Variants in ITPR1 observed in about 807,000 individuals in gnomAD.
ITPR1 encodes inositol 1,4,5-trisphosphate-gated calcium channel ITPR1.
ITPR1 carries 96 observed loss-of-function variants against 318.4 expected under a neutral mutation model. The ratio of observed to expected loss-of-function variants is 0.30; its 90% CI spans 0.26 to 0.36. The LOEUF (loss-of-function observed/expected upper bound fraction) is 0.36, where lower values mean the gene tolerates loss of function less well. Among genes scored for constraint, ITPR1 ranks in the 10% least tolerant of loss-of-function variants. ITPR1 has a pLI of 1.00. For synonymous variants in ITPR1, 1,312 were observed against 1,289.9 expected (o/e 1.02, Z -0.37); for missense variants, 2,440 against 3,460.2 (o/e 0.71, Z 7.40).
chr3:4,593,677 A>T (rs1302849863), intron 4 of ITPR1, among the ~76,000 whole-genome samples: 2 of 152,252 alleles, frequency 1.3e-5, no homozygotes, highest in Non-Finnish European at 2.9e-5. Flanking sequence ...ATAAAAGATA[A>T]AAGGCAACCG....
intron 44 of ITPR1, among the ~76,000 whole-genome samples, chr3:4,746,662 A>G (rs1229580100): frequency 6.6e-6 from 1 of 152,232 alleles, no homozygotes; most frequent in African/African-American, 2.4e-5. Context: ...CCCCTCGAGG[A>G]GCCTCCACAC....
At chr3:4,546,947 G>A (rs771101547) in intron 4 of ITPR1, among the ~76,000 whole-genome samples, 4 of 152,092 alleles carry the variant, frequency 2.6e-5, no homozygotes, top group Non-Finnish European at 5.9e-5. Flanking sequence ...TTAGGAGCTG[G>A]AGGACTTGAG....
chr3:4,514,443 C>A (rs1369541029), intron 2 of ITPR1, among the ~76,000 whole-genome samples: 2 of 152,148 alleles, frequency 1.3e-5, no homozygotes, highest in Non-Finnish European at 2.9e-5. Context: ...CTCGAGGACA[C>A]TGAATTGTCT....
At chr3:4,603,490 T>C (rs909549529) in intron 4 of ITPR1, among the ~76,000 whole-genome samples, 9 of 152,024 alleles carry the variant, frequency 5.9e-5, no homozygotes, top group Non-Finnish European at 1.2e-4. Flanking sequence ...AGTGCAGTGG[T>C]GCAATCTCGG....
At chr3:4,558,949 A>G (rs2086409257) in intron 4 of ITPR1, among the ~76,000 whole-genome samples, 1 of 152,166 alleles carries the variant, frequency 6.6e-6, no homozygotes, top group Non-Finnish European at 1.5e-5. Context: ...TACCATTATC[A>G]TACCTAACAA....
intron 44 of ITPR1, among the ~76,000 whole-genome samples, chr3:4,757,759 C>T (rs3792495): frequency 0.4 from 60,646 of 152,102 alleles, 12,316 homozygotes; most frequent in Middle Eastern, 0.56. Context: ...CCCGGCAAAT[C>T]GGAAACGTTC....
At chr3:4,715,345 A>C (rs9816936) in intron 39 of ITPR1, among the ~76,000 whole-genome samples, 50,033 of 152,198 alleles carry the variant, frequency 0.33, 10,133 homozygotes, top group Non-Finnish European at 0.47. Context: ...AAATGTATCA[A>C]AACTTAAACA....
intron 56 of ITPR1, 167 bp from the exon 57 acceptor site, chr3:4,812,975 A>G (rs748471876): frequency 3.2e-6 from 2 of 634,324 alleles, no homozygotes; most frequent in Admixed American, 2.5e-5. Flanking sequence ...TCCCATCCAG[A>G]TCACCAAATG....
rs933783909 is a variant in ITPR1 at position 4,658,417 on chromosome 3, C to G, written c.1151+139C>G. The G allele has an allele frequency of 4.9e-5, 32 of 656,878 alleles. 1 individual carries two copies. The highest frequency in any genetic ancestry group is 7.9e-5 in the Non-Finnish European group (32 of 405,222). 40.7% of individuals were successfully genotyped at this position (656,878 alleles called of 1,614,324 possible). ...TTTGGTGAAAGGTTTGCACTGACTG[C>G]CCGGTATGGCAACTGATTTTTTTAA... On this transcript the variant is annotated intron_variant, in intron 13 of 61. Coordinates refer to ENST00000649015, the MANE Select transcript of ITPR1 (RefSeq NM_001378452.1).
rs375818849 is a variant in ITPR1 at position 4,653,824 on chromosome 3, A to G, written c.952-18A>G. 5.0e-6 allele frequency: 8 copies of G among 1,597,116 alleles called. No homozygotes were observed. Among genetic ancestry groups the G allele is most frequent in the East Asian group, 2.2e-5 (1 of 44,602 alleles). The stretch of plus-strand genomic sequence containing the variant: ...AAGCAATGGATGTTTTAATTTCCTA[A>G]TGATTCTTTTTCATCAGGTAGACCC... On this transcript the variant is annotated intron_variant, in intron 11 of 61. Transcript: ENST00000649015.
At chr3:4,623,012 T>C (rs943491494) in intron 4 of ITPR1, among the ~76,000 whole-genome samples, 1 of 152,130 alleles carries the variant, frequency 6.6e-6, no homozygotes, top group Non-Finnish European at 1.5e-5. Context: ...CTGGCAACCT[T>C]TATTCTTTTA....
chr3:4,644,334 C>A, intron 8 of ITPR1, 100 bp downstream of exon 8: 4 of 775,522 alleles, frequency 5.2e-6, no homozygotes, highest in Non-Finnish European at 8.5e-6. Flanking sequence ...TCAGCAGTGA[C>A]TTGGGGCAGG....
chr3:4,705,517 A>T (rs1279818310), intron 36 of ITPR1, among the ~76,000 whole-genome samples: 1 of 152,168 alleles, frequency 6.6e-6, no homozygotes, highest in East Asian at 1.9e-4. Flanking sequence ...ATGTCTCTCC[A>T]GTCTCTTCTG....
intron 4 of ITPR1, among the ~76,000 whole-genome samples, chr3:4,553,821 G>T (rs562709635): frequency 1.3e-5 from 2 of 152,090 alleles, no homozygotes; most frequent in African/African-American, 4.8e-5. Context: ...GGATGGTCTC[G>T]AACTCCTGAC....
chr3:4,684,170 G>A lies in ITPR1; in HGVS notation c.3499-111G>A. On this transcript the variant is annotated intron_variant, in intron 28 of 61. Coordinates refer to ENST00000649015, the MANE Select transcript of ITPR1 (RefSeq NM_001378452.1). The stretch of plus-strand genomic sequence containing the variant: ...GGGGCATAAGCCCAGCATGACTATT[G>A]TAAAACAGTATAGAACTCCCTTTCT... The A allele has an allele frequency of 4.0e-6, 3 of 742,618 alleles. No individual in the cohort carries two copies. The South Asian group carries it at 4.9e-5, about 12-fold the overall frequency. The allele number at this position is 742,618 out of a possible 1,614,324, so 46.0% of individuals were successfully genotyped here.
At chr3:4,561,749 A>AT (rs902006264) in intron 4 of ITPR1, among the ~76,000 whole-genome samples, 3 of 152,068 alleles carry the variant, frequency 2.0e-5, no homozygotes, top group African/African-American at 7.2e-5. Context: ...TAAAGGATTT[A>AT]TTTTTTAATT....
chr3:4,767,993 G>A (rs1046678230), intron 45 of ITPR1, among the ~76,000 whole-genome samples: 1 of 152,194 alleles, frequency 6.6e-6, no homozygotes, highest in Non-Finnish European at 1.5e-5. Context: ...GTGTCTGGCC[G>A]CAGAGTCAGT....
chr3:4,613,926 G>A (rs1247907630), intron 4 of ITPR1, among the ~76,000 whole-genome samples: 1 of 152,072 alleles, frequency 6.6e-6, no homozygotes, highest in Non-Finnish European at 1.5e-5. Context: ...AACATTTCCA[G>A]TCCCCAAGAA....
In ITPR1 at chr3:4,670,658, G is replaced by A. The variant is rs879810497; in HGVS notation, c.2007-71G>A. 112 of 1,141,914 alleles carry A rather than the reference G, an allele frequency of 9.8e-5. No homozygotes were observed. In the African/African-American group the frequency reaches 1.7e-3, roughly 17 times the overall value. 70.7% of individuals were successfully genotyped at this position (1,141,914 alleles called of 1,614,324 possible). A position where few individuals can be genotyped will look rare whatever the true frequency, so the allele number is the denominator to read the frequency against. The stretch of plus-strand genomic sequence containing the variant: ...AAAGTGTCTTTCCATGTGTCTTTAT[G>A]CTGAAAGTAAAGCTAGATCTCAAAG... On this transcript the variant is annotated intron_variant, in intron 19 of 61. Transcript: ENST00000649015.
Sources: allele counts gnomAD v4.1 joint callset (sites outside exome capture counted in the v4.1 genomes callset), GRCh38; gene constraint gnomAD v4.1.1; transcripts MANE v1.5; gene names NCBI Gene and HGNC (gene_info 2026-07-23, HGNC 2026-07-21).